The following TACR3 variants were observed in gnomAD, a reference collection of about 807,000 sequenced individuals.
The protein encoded by TACR3 is neuromedin-K receptor.
A neutral mutation model predicts 35.0 loss-of-function variants in TACR3; 34 were observed. The ratio of observed to expected loss-of-function variants is 0.97; its 90% CI spans 0.74 to 1.30. TACR3 has a LOEUF of 1.30. Among genes scored for constraint, TACR3 ranks in the 50% most tolerant of loss-of-function variants. The pLI is 0.00. For synonymous variants in TACR3, 233 were observed against 221.1 expected, an observed-to-expected ratio of 1.05 and a Z score of -0.48; for missense variants, 558 against 591.7, an observed-to-expected ratio of 0.94 and a Z score of 0.59.
At chr4:103,663,007 T>C (rs116032158) in intron 1 of TACR3, among the ~76,000 whole-genome samples, 2,244 of 152,322 alleles carry the variant, frequency 0.015, 55 homozygotes, top group African/African-American at 0.052. Context: ...TATTCTTTAG[T>C]AATTACAGGA....
chr4:103,719,605 A>T lies in TACR3; in HGVS notation c.71T>A (p.Leu24Gln). 1 of 1,613,322 alleles carries T rather than the reference A, an allele frequency of 6.2e-7. No individual in the cohort carries two copies. The highest frequency in any genetic ancestry group is 8.5e-7 in the Non-Finnish European group (1 of 1,179,528). ...GGGVGADAVN[L>Q]TASLAAGAAT... The stretch of plus-strand genomic sequence containing the variant: ...CGCCCCGGCAGCTAGCGAGGCGGTC[A>T]GGTTCACGGCGTCTGCACCCACGCC... The change falls in exon 1 of 5, where the codon CTG becomes CAG. Residue 24 changes from leucine to glutamine, a missense_variant. Physicochemically the swap from Leu to Gln is moderately radical, Grantham distance 113. Coordinates refer to ENST00000304883, the MANE Select transcript of TACR3 (RefSeq NM_001059.3).
intron 3 of TACR3, among the ~76,000 whole-genome samples, chr4:103,635,094 C>T (rs770271515): frequency 2.0e-5 from 3 of 152,056 alleles, no homozygotes; most frequent in Admixed American, 1.3e-4. Context: ...ATATTACCTA[C>T]ATTATATATG....
chr4:103,656,043 C>T (rs1481240768), intron 3 of TACR3, 151 bp downstream of exon 3: 1 of 923,612 alleles, frequency 1.1e-6, no homozygotes, highest in Non-Finnish European at 1.6e-6. Context: ...TTATACAAAA[C>T]CAAAAGAAAA....
intron 1 of TACR3, among the ~76,000 whole-genome samples, chr4:103,659,981 T>C (rs1725805939): frequency 6.6e-6 from 1 of 152,172 alleles, no homozygotes; most frequent in African/African-American, 2.4e-5. Flanking sequence ...ATAGAATATA[T>C]TTTGATTTAT....
chr4:103,692,188 CTTATA>C (rs1722419168), intron 1 of TACR3, among the ~76,000 whole-genome samples: 1 of 152,214 alleles, frequency 6.6e-6, no homozygotes, highest in Non-Finnish European at 1.5e-5. Flanking sequence ...TTTGTGATTT[CTTATA>C]TTAGACATTC....
At chr4:103,653,890 A>G (rs1258778383) in intron 3 of TACR3, among the ~76,000 whole-genome samples, 1 of 152,226 alleles carries the variant, frequency 6.6e-6, no homozygotes, top group African/African-American at 2.4e-5. Context: ...GGCGAAGGAT[A>G]TGAACAGATA....
intron 1 of TACR3, among the ~76,000 whole-genome samples, chr4:103,681,722 A>G (rs1283813069): frequency 6.7e-6 from 1 of 148,516 alleles, no homozygotes. Context: ...AAAATCAGTG[A>G]GAACATAGAA....
At chr4:103,685,466 G>C (rs2110212856) in intron 1 of TACR3, among the ~76,000 whole-genome samples, 1 of 152,156 alleles carries the variant, frequency 6.6e-6, no homozygotes, top group Middle Eastern at 3.4e-3. Context: ...ATATTTCTGG[G>C]ACATGACAAT....
chr4:103,592,947 C>T (rs1273328442), intron 3 of TACR3, among the ~76,000 whole-genome samples: 1 of 152,132 alleles, frequency 6.6e-6, no homozygotes, highest in Non-Finnish European at 1.5e-5. Context: ...GGAAATTGGC[C>T]ATCAGAGTTG....
intron 3 of TACR3, among the ~76,000 whole-genome samples, chr4:103,627,291 G>T (rs189829341): frequency 6.9e-6 from 1 of 144,858 alleles, no homozygotes; most frequent in East Asian, 2.1e-4. Flanking sequence ...CAGGGTGATG[G>T]ATCACCTGAG....
At chr4:103,712,149 C>A (rs1013868052) in intron 1 of TACR3, among the ~76,000 whole-genome samples, 1 of 152,122 alleles carries the variant, frequency 6.6e-6, no homozygotes, top group Admixed American at 6.6e-5. Context: ...AAACTACTGT[C>A]AAGTTCATAT....
chr4:103,636,358 T>TTAC (rs59820002), intron 3 of TACR3, among the ~76,000 whole-genome samples: 54,866 of 151,532 alleles, frequency 0.36, 10,511 homozygotes, highest in African/African-American at 0.5. Flanking sequence ...CAGTCCCAGC[T>TTAC]TCATGAGTTT....
chr4:103,710,464 C>T (rs1040515712), intron 1 of TACR3, among the ~76,000 whole-genome samples: 2 of 151,598 alleles, frequency 1.3e-5, no homozygotes, highest in Non-Finnish European at 1.5e-5. Context: ...ACACAACATA[C>T]CAGAATCTCT....
intron 3 of TACR3, among the ~76,000 whole-genome samples, chr4:103,608,623 C>A (rs1724439266): frequency 6.6e-6 from 1 of 152,004 alleles, no homozygotes; most frequent in South Asian, 2.1e-4. Flanking sequence ...GGTGGAGGAT[C>A]AAAAGATAAT....
At chr4:103,638,546 T>C (rs547684016) in intron 3 of TACR3, among the ~76,000 whole-genome samples, 2 of 152,104 alleles carry the variant, frequency 1.3e-5, no homozygotes, top group South Asian at 2.1e-4. Context: ...ACTTCATGTC[T>C]AAAACACCAA....
chr4:103,666,532 G>A (rs993560638), intron 1 of TACR3, among the ~76,000 whole-genome samples: 11 of 152,046 alleles, frequency 7.2e-5, no homozygotes, highest in African/African-American at 2.7e-4. Context: ...AATTGCTAAT[G>A]CATGAATGCT....
At chr4:103,656,444 G>C in intron 2 of TACR3, 100 bp from the exon 3 acceptor site, 1 of 1,138,222 alleles carries the variant, frequency 8.8e-7, no homozygotes, top group Non-Finnish European at 1.3e-6. Flanking sequence ...ACTACCAAGA[G>C]TTATTTCTAC....
At chr4:103,685,886 G>C (rs1021305658) in intron 1 of TACR3, among the ~76,000 whole-genome samples, 11 of 152,282 alleles carry the variant, frequency 7.2e-5, no homozygotes, top group South Asian at 2.1e-4. Flanking sequence ...GTTCTGCCCT[G>C]TGTGGGTGGG....
At chr4:103,642,472 G>T (rs1372603571) in intron 3 of TACR3, among the ~76,000 whole-genome samples, 3 of 151,644 alleles carry the variant, frequency 2.0e-5, no homozygotes, top group Non-Finnish European at 4.4e-5. Flanking sequence ...TATTGTTTCA[G>T]CCATTAAAAA....
Sources: allele counts gnomAD v4.1 joint callset (sites outside exome capture counted in the v4.1 genomes callset), GRCh38; gene constraint gnomAD v4.1.1; transcripts MANE v1.5; gene names NCBI Gene and HGNC (gene_info 2026-07-23, HGNC 2026-07-21).